The following PPP4R3A variants were observed in gnomAD, a reference collection of about 807,000 sequenced individuals.
PPP4R3A encodes protein phosphatase 4 regulatory subunit 3A, also known as serine/threonine-protein phosphatase 4 regulatory subunit 3A.
PPP4R3A carries 15 observed loss-of-function variants against 91.7 expected under a neutral mutation model. The observed-to-expected ratio is 0.16, with a 90% confidence interval of 0.11 to 0.25. The LOEUF is 0.25. Among genes scored for constraint, PPP4R3A ranks in the 10% least tolerant of loss-of-function variants. The pLI, the probability that PPP4R3A is intolerant of heterozygous loss-of-function variation, is 1.00. For missense variants in PPP4R3A, 623 were observed against 998.4 expected, an observed-to-expected ratio of 0.62 and a Z score of 5.07; for synonymous variants, 377 against 348.7, an observed-to-expected ratio of 1.08 and a Z score of -0.91.
Position 91,473,121 on chromosome 14 carries a change from A to G in PPP4R3A, c.1413T>C (p.Thr471=). 1 of 1,614,148 alleles carries G rather than the reference A, an allele frequency of 6.2e-7. No homozygotes were observed. The highest frequency in any genetic ancestry group is 1.1e-5 in the South Asian group (1 of 91,062). The change falls in exon 9 of 15, where the codon ACT becomes ACC. Residue 471 remains threonine (T), a synonymous_variant. Coordinates refer to ENST00000554943, the MANE Select transcript of PPP4R3A (RefSeq NM_001366432.2). ...MLATANKTEK[T]EFLGFFYKHC... is the part of the protein sequence containing the mutation. ...GCTTGTAGAAGAAACCCAGAAATTC[A>G]GTCTTTTCTGTTTTCTAAGGAAACA...
At chr14:91,507,504 T>TACTATAATTATATATATTATA (rs1449152989) in intron 1 of PPP4R3A, among the ~76,000 whole-genome samples, 1 of 122,906 alleles carries the variant, frequency 8.1e-6, no homozygotes, top group Non-Finnish European at 1.7e-5. Flanking sequence ...ATAGAATATA[T>TACTATAATTATATATATTATA]GCTATAATTA....
chr14:91,503,886 C>T (rs1013242727), intron 1 of PPP4R3A, among the ~76,000 whole-genome samples: 1 of 152,078 alleles, frequency 6.6e-6, no homozygotes, highest in African/African-American at 2.4e-5. Flanking sequence ...GAAGATGGAA[C>T]TTTGCAGGTA....
intron 1 of PPP4R3A, among the ~76,000 whole-genome samples, chr14:91,503,504 T>C (rs1891087091): frequency 6.6e-6 from 1 of 152,174 alleles, no homozygotes; most frequent in Non-Finnish European, 1.5e-5. Context: ...TTCCCCAGCC[T>C]TGCATTTATC....
intron 10 of PPP4R3A, among the ~76,000 whole-genome samples, chr14:91,469,787 C>T (rs1363480755): frequency 6.6e-6 from 1 of 152,046 alleles, no homozygotes; most frequent in Non-Finnish European, 1.5e-5. Flanking sequence ...TGGCCTAGAA[C>T]TCCTGACCTC....
intron 1 of PPP4R3A, among the ~76,000 whole-genome samples, chr14:91,502,698 C>T (rs147094851): frequency 8.5e-5 from 13 of 152,332 alleles, no homozygotes; most frequent in African/African-American, 2.9e-4. Flanking sequence ...TTACCATTCG[C>T]TAGCAGTGCT....
chr14:91,489,672 A>G (rs559528922), intron 2 of PPP4R3A, among the ~76,000 whole-genome samples: 12 of 152,350 alleles, frequency 7.9e-5, no homozygotes, highest in African/African-American at 2.9e-4. Flanking sequence ...ATACAACTTC[A>G]AAACATGTAT....
intron 1 of PPP4R3A, 27 bp downstream of exon 1, chr14:91,509,479 G>A (rs966325845): frequency 9.6e-6 from 15 of 1,566,210 alleles, no homozygotes; most frequent in African/African-American, 9.5e-5. Context: ...GGGCTGCGAG[G>A]GTCCCGCCGC....
At position 91,461,464 on chromosome 14, in the gene PPP4R3A, C is replaced by G; in HGVS notation, c.2308G>C (p.Gly770Arg). 1 of 1,613,992 alleles carries G rather than the reference C, an allele frequency of 6.2e-7. No individual in the cohort carries two copies. Among genetic ancestry groups the G allele is most frequent in the Non-Finnish European group, 8.5e-7 (1 of 1,179,986 alleles). The part of the protein sequence containing the change: ...SSTTNLPGSP[G>R]SPGSPGSPGS... Reference sequence around the variant, plus strand: ...GGAGATCCTGGGGATCCAGGTGATCCCGGAGAACCAGGCAGATTTGTTGTA... The same window carrying G: ...GGAGATCCTGGGGATCCAGGTGATCGCGGAGAACCAGGCAGATTTGTTGTA... Residue 770 changes from glycine (G) to arginine (R), a missense_variant, in exon 14 of 15, where the codon GGA becomes CGA. Gly to Arg is a moderately radical substitution (Grantham distance 125). Coordinates refer to ENST00000554943, the MANE Select transcript of PPP4R3A (RefSeq NM_001366432.2).
chr14:91,507,092 G>T (rs539010380), intron 1 of PPP4R3A, among the ~76,000 whole-genome samples: 52 of 152,040 alleles, frequency 3.4e-4, no homozygotes, highest in African/African-American at 1.1e-3. Flanking sequence ...GCCGAGGCGG[G>T]TGGATCACCT....
intron 1 of PPP4R3A, among the ~76,000 whole-genome samples, chr14:91,493,612 A>C (rs1890361409): frequency 7.0e-6 from 1 of 141,968 alleles, no homozygotes; most frequent in Non-Finnish European, 1.5e-5. Context: ...GGATGGTGAG[A>C]CCCCATACTA....
rs540188000 is a variant in PPP4R3A, at chr14:91,462,185, T to C, written c.2028A>G (p.Glu676=). ...HRYRRDARTL[E]DEEEMWFNTD... ...TGTTAAACCACATCTCTTCTTCATCTTCTAGTGTTCTGGCATCTCTTCGAT... is the reference window on the plus strand; with the variant it reads ...TGTTAAACCACATCTCTTCTTCATCCTCTAGTGTTCTGGCATCTCTTCGAT... The change falls in exon 13 of 15, where the codon GAA becomes GAG. Residue 676 remains glutamate (E), a synonymous_variant. Transcript: ENST00000554943. 1 of 1,607,546 alleles carries C rather than the reference T, an allele frequency of 6.2e-7. No homozygotes were observed. Among genetic ancestry groups the C allele is most frequent in the South Asian group, 1.1e-5 (1 of 89,428 alleles).
At chr14:91,460,647 T>TCC (rs1888084304) in intron 14 of PPP4R3A, among the ~76,000 whole-genome samples, 2 of 146,142 alleles carry the variant, frequency 1.4e-5, no homozygotes, top group African/African-American at 2.5e-5. Flanking sequence ...CTTTTTTTTT[T>TCC]TTTTTTTTTG....
In PPP4R3A at chr14:91,481,880, C is replaced by T. The variant is rs778179619; in HGVS notation, c.611G>A (p.Arg204Gln). The stretch of plus-strand genomic sequence containing the variant: ...GAACATAACTTCAAAAAGAGCAGTT[C>T]GATTCAAGAGAAAGATGCCTTTGAT... Reference protein sequence around the residue: ...EIIKGIFLLNRTALFEVMFSE... With the variant: ...EIIKGIFLLNQTALFEVMFSE... The change falls in exon 4 of 15, where the codon CGA (arginine) becomes CAA (glutamine). Residue 204 changes from arginine to glutamine, a missense_variant. Physicochemically the swap from Arg to Gln is conservative, Grantham distance 43 (BLOSUM62 1). Coordinates refer to ENST00000554943, the MANE Select transcript of PPP4R3A (RefSeq NM_001366432.2). The T allele has an allele frequency of 3.1e-6, 5 of 1,613,928 alleles. No homozygotes were observed. The highest frequency in any genetic ancestry group is 3.4e-6 in the Non-Finnish European group (4 of 1,180,030).
At chr14:91,493,449 C>T (rs1890349412) in intron 1 of PPP4R3A, among the ~76,000 whole-genome samples, 2 of 150,520 alleles carry the variant, frequency 1.3e-5, no homozygotes, top group Non-Finnish European at 2.9e-5. Flanking sequence ...GCCATGATTG[C>T]GCCACTACAC....
chr14:91,506,479 A>C (rs1300531985), intron 1 of PPP4R3A, among the ~76,000 whole-genome samples: 2 of 152,224 alleles, frequency 1.3e-5, no homozygotes, highest in Non-Finnish European at 2.9e-5. Flanking sequence ...AGATGTGACA[A>C]GAAATGTTAA....
intron 1 of PPP4R3A, among the ~76,000 whole-genome samples, chr14:91,507,399 TATA>T (rs1298745871): frequency 2.4e-5 from 1 of 41,238 alleles, no homozygotes; most frequent in East Asian, 3.4e-4. Flanking sequence ...GTATATGTAC[TATA>T]ATTATATATA....
chr14:91,490,479 C>CTT (rs11462458), intron 2 of PPP4R3A, among the ~76,000 whole-genome samples: 8 of 147,178 alleles, frequency 5.4e-5, no homozygotes, highest in Middle Eastern at 3.5e-3. Context: ...CAATGGTCAC[C>CTT]TTTTTTTTTT....
At chr14:91,485,092 A>G (rs1180611499) in intron 3 of PPP4R3A, among the ~76,000 whole-genome samples, 1 of 152,226 alleles carries the variant, frequency 6.6e-6, no homozygotes, top group Non-Finnish European at 1.5e-5. Flanking sequence ...TGCATTTTTA[A>G]AAAGATCACC....
Position 91,461,483 on chromosome 14 carries a change from T to C in PPP4R3A, c.2289A>G (p.Thr763=). ...KTNLTSQSST[T]NLPGSPGSPG... ...GTGATCCCGGAGAACCAGGCAGATT[T>C]GTTGTAGATGACTGGCTGGTGAGGT... Residue 763 remains threonine, a synonymous_variant, in exon 14 of 15, where the codon ACA becomes ACG. Coordinates refer to ENST00000554943, the MANE Select transcript of PPP4R3A (RefSeq NM_001366432.2). 1 of 1,614,184 alleles carries C rather than the reference T, an allele frequency of 6.2e-7. No homozygotes were observed. The highest frequency in any genetic ancestry group is 8.5e-7 in the Non-Finnish European group (1 of 1,180,044).
Sources: allele counts gnomAD v4.1 joint callset (sites outside exome capture counted in the v4.1 genomes callset), GRCh38; gene constraint gnomAD v4.1.1; transcripts MANE v1.5; gene names NCBI Gene and HGNC (gene_info 2026-07-23, HGNC 2026-07-21).